SLC10A7: variants seen among roughly 807,000 people sequenced by gnomAD.
SLC10A7 encodes sodium/bile acid cotransporter 7.
Under a neutral mutation model 43.2 loss-of-function variants are expected in SLC10A7, and 29 were observed. That is an observed-to-expected ratio of 0.67 (90% CI 0.50 to 0.92). The LOEUF (loss-of-function observed/expected upper bound fraction) is 0.92. Among genes scored for constraint, SLC10A7 ranks in the 40% least tolerant of loss-of-function variants. The probability of loss-of-function intolerance (pLI) is 0.00; values close to 1 mark genes in which losing one functional copy is unlikely to be tolerated. For missense variants in SLC10A7, 295 were observed against 403.2 expected (o/e 0.73, Z 2.30); for synonymous variants, 152 against 144.8 (o/e 1.05, Z -0.35).
intron 5 of SLC10A7, chr4:146,441,686 T>C (rs762624824): frequency 4.1e-5 from 40 of 985,042 alleles, no homozygotes; most frequent in Middle Eastern, 5.2e-4. Flanking sequence ...CAGACTTTAT[T>C]GTCTAAAACC....
intron 4 of SLC10A7, among the ~76,000 whole-genome samples, chr4:146,494,610 T>A (rs1735731337): frequency 6.6e-6 from 1 of 151,928 alleles, no homozygotes. Context: ...TCAGGAGAGA[T>A]GAGTGTCAGG....
At chr4:146,377,745 T>C (rs4561946) in intron 5 of SLC10A7, among the ~76,000 whole-genome samples, 152,337 of 152,344 alleles carry the variant, frequency 1, 76,165 homozygotes, top group Middle Eastern at 1. Flanking sequence ...ATCACAATAT[T>C]CCAGATGTAA....
intron 4 of SLC10A7, among the ~76,000 whole-genome samples, chr4:146,477,281 G>A (rs574725222): frequency 3.3e-5 from 5 of 152,290 alleles, no homozygotes; most frequent in Admixed American, 2.6e-4. Context: ...GATAACAATG[G>A]TTTATGATTA....
intron 5 of SLC10A7, among the ~76,000 whole-genome samples, chr4:146,394,614 GGCCTCCCAAAGTGCTAGGAT>G (rs1482027475): frequency 1.3e-5 from 2 of 151,932 alleles, no homozygotes; most frequent in Non-Finnish European, 2.9e-5. Context: ...CATCCGCCTC[GGCCTCCCAAAGTGCTAGGAT>G]TACAAACCTG....
chr4:146,265,012 C>A (rs1728466461), intron 10 of SLC10A7, among the ~76,000 whole-genome samples: 1 of 152,210 alleles, frequency 6.6e-6, no homozygotes, highest in Non-Finnish European at 1.5e-5. Context: ...ATACCCTGCT[C>A]AAGAGCTCCA....
chr4:146,274,172 T>C (rs1578757750), intron 10 of SLC10A7, among the ~76,000 whole-genome samples: 2 of 151,362 alleles, frequency 1.3e-5, no homozygotes, highest in Admixed American at 1.3e-4. Flanking sequence ...GGGCACTAAA[T>C]GGGTGGTTCT....
At chr4:146,485,653 A>G (rs1441948630) in intron 4 of SLC10A7, among the ~76,000 whole-genome samples, 1 of 152,174 alleles carries the variant, frequency 6.6e-6, no homozygotes, top group Non-Finnish European at 1.5e-5. Context: ...AAGCACATAT[A>G]AGTCCAGGTT....
At position 146,441,658 on chromosome 4, in the gene SLC10A7, G is replaced by A. The variant is rs775547901; in HGVS notation, c.435+1125C>T. On this transcript the variant is annotated intron_variant, in intron 5 of 11. Coordinates refer to ENST00000335472, the MANE Select transcript of SLC10A7 (RefSeq NM_001029998.6). ...ACTGAGTCTAAACTAAGCAATCCGA[G>A]AGATTATTTTTGTTAAACAGACTTT... is the stretch of plus-strand genomic sequence containing the variant. 144 of 977,524 alleles carry A rather than the reference G, an allele frequency of 1.5e-4. 1 individual carries two copies. The highest frequency in any genetic ancestry group is 6.2e-5 in the Admixed American group (1 of 16,238). The allele number at this position is 977,524 out of a possible 1,614,324, so 60.6% of individuals were successfully genotyped here. A position where few individuals can be genotyped will look rare whatever the true frequency, so the allele number is the denominator to read the frequency against.
At chr4:146,514,362 T>G (rs1737754894) in intron 2 of SLC10A7, 1 of 152,186 alleles carries the variant, frequency 6.6e-6, no homozygotes, top group African/African-American at 2.4e-5. Context: ...TTAAACAAAT[T>G]CGCCCTGCCA....
In SLC10A7 at chr4:146,450,082, T is replaced by C. The variant is rs574327767; in HGVS notation, c.397-7261A>G. ...TATAATAACAACACTACCTTTTAAA[T>C]ATATAGCTGAGCTAAAACAAACAAA... On this transcript the variant is annotated intron_variant, in intron 4 of 11. Coordinates refer to ENST00000335472, the MANE Select transcript of SLC10A7 (RefSeq NM_001029998.6). 7.4e-5 allele frequency among the ~76,000 whole-genome samples: 11 copies of C among 148,522 alleles called. No individual in the cohort carries two copies. The South Asian group carries it at 2.4e-3, about 33-fold the overall frequency.
At chr4:146,376,776 G>A (rs1218497173) in intron 5 of SLC10A7, among the ~76,000 whole-genome samples, 1 of 152,176 alleles carries the variant, frequency 6.6e-6, no homozygotes. Flanking sequence ...TGCCGCGACT[G>A]TATATTGAAC....
chr4:146,448,279 A>G (rs920478580), intron 4 of SLC10A7, among the ~76,000 whole-genome samples: 3 of 152,118 alleles, frequency 2.0e-5, no homozygotes, highest in Non-Finnish European at 4.4e-5. Context: ...GGGAAAAACA[A>G]TTCTCTGATA....
chr4:146,475,541 T>G (rs754953287), intron 4 of SLC10A7, among the ~76,000 whole-genome samples: 1 of 152,192 alleles, frequency 6.6e-6, no homozygotes, highest in Non-Finnish European at 1.5e-5. Flanking sequence ...AGCAACATGC[T>G]ACGCACTGGA....
intron 4 of SLC10A7, among the ~76,000 whole-genome samples, chr4:146,493,914 G>T (rs755748260): frequency 6.6e-6 from 1 of 152,144 alleles, no homozygotes; most frequent in African/African-American, 2.4e-5. Flanking sequence ...TTCTATAAAT[G>T]TAATATGTAT....
intron 10 of SLC10A7, among the ~76,000 whole-genome samples, chr4:146,271,005 T>C (rs907440695): frequency 2.6e-5 from 4 of 152,176 alleles, no homozygotes; most frequent in African/African-American, 7.2e-5. Flanking sequence ...TGGGTGTCTA[T>C]AGGTCTGGCT....
intron 5 of SLC10A7, among the ~76,000 whole-genome samples, chr4:146,413,966 C>A (rs952182751): frequency 1.3e-5 from 2 of 152,148 alleles, no homozygotes; most frequent in African/African-American, 4.8e-5. Context: ...TCCAAGGGAA[C>A]TTTTAATGGC....
intron 5 of SLC10A7, among the ~76,000 whole-genome samples, chr4:146,425,747 T>G (rs577861088): frequency 4.1e-4 from 63 of 152,144 alleles, no homozygotes; most frequent in African/African-American, 1.4e-3. Flanking sequence ...CTAAAAGCAA[T>G]GATTGAGAAT....
chr4:146,428,142 G>A (rs1006405039), intron 5 of SLC10A7, among the ~76,000 whole-genome samples: 1 of 152,038 alleles, frequency 6.6e-6, no homozygotes, highest in African/African-American at 2.4e-5. Flanking sequence ...TTACCACACT[G>A]CACTCCAACT....
intron 4 of SLC10A7, among the ~76,000 whole-genome samples, chr4:146,480,501 C>G (rs578050395): frequency 1.4e-4 from 22 of 152,258 alleles, no homozygotes; most frequent in Admixed American, 1.4e-3. Context: ...TCTTGCTGCT[C>G]CATTGTCATT....
Sources: allele counts gnomAD v4.1 joint callset (sites outside exome capture counted in the v4.1 genomes callset), GRCh38; gene constraint gnomAD v4.1.1; transcripts MANE v1.5; gene names NCBI Gene and HGNC (gene_info 2026-07-23, HGNC 2026-07-21).